TYW5: variants seen among roughly 807,000 people sequenced by gnomAD.
The protein encoded by TYW5 is tRNA-yW synthesizing protein 5.
TYW5 carries 36 observed loss-of-function variants against 44.4 expected under a neutral mutation model. The observed-to-expected ratio is 0.81, with a 90% CI of 0.62 to 1.07. The LOEUF is 1.07. TYW5 is among the 50% of genes least tolerant of loss of function. TYW5 has a pLI of 0.00. For missense variants in TYW5, 354 were observed against 365.7 expected (o/e 0.97, Z 0.26); for synonymous variants, 121 against 128.1 (o/e 0.94, Z 0.37).
At chr2:199,941,056 T>A (rs1470989826) in intron 3 of TYW5, among the ~76,000 whole-genome samples, 1 of 152,184 alleles carries the variant, frequency 6.6e-6, no homozygotes, top group African/African-American at 2.4e-5. Context: ...TATTTAAATT[T>A]TTTAAATTAA....
chr2:199,952,076 G>A (rs979350245), intron 1 of TYW5, among the ~76,000 whole-genome samples: 1 of 151,340 alleles, frequency 6.6e-6, no homozygotes, highest in Non-Finnish European at 1.5e-5. Flanking sequence ...TTCAGATATC[G>A]CCTTTATTCT....
Position 199,933,294 on chromosome 2 carries a change from C to A in TYW5, c.721G>T (p.Glu241Ter), listed in dbSNP as rs369160707. ...AAGATATTCACTCCCACTCCAAACT[C>A]TTCAGAAATTACATTATGGAACCAT... ...ALWFHNVISE[E>*]FGVGVNIFWK... Residue 241 changes from glutamate (E) to a stop codon, truncating the protein, a stop_gained, in exon 8 of 8, where the codon GAG becomes TAG. Transcript: ENST00000354611. LOFTEE classifies it high-confidence loss of function. The A allele has an allele frequency of 6.2e-7, 1 of 1,612,366 alleles. No homozygotes were observed. The highest frequency in any genetic ancestry group is 1.3e-5 in the African/African-American group (1 of 74,774).
rs1278082915 is a variant in TYW5, at chr2:199,928,977, AAG to A, written c.*4088_*4089del. Among the ~76,000 whole-genome samples the A allele has an allele frequency of 6.6e-6, 1 of 152,216 alleles. No homozygotes were observed. Among genetic ancestry groups the A allele is most frequent in the Non-Finnish European group, 1.5e-5 (1 of 68,034 alleles). On this transcript the variant is annotated 3_prime_UTR_variant, in exon 8 of 8. Transcript: ENST00000354611. ...AAAATACAAAAGGTAGTATTCATAA[AAG>A]AGCTATTTTGTTTTATTTCACTTGA... is the stretch of plus-strand genomic sequence containing the variant.
At chr2:199,937,429 G>C (rs772686866) in intron 5 of TYW5, among the ~76,000 whole-genome samples, 13 of 151,860 alleles carry the variant, frequency 8.6e-5, no homozygotes, top group Non-Finnish European at 1.6e-4. Context: ...TTGGGAGGTC[G>C]AGGTGGGCGG....
Position 199,943,768 on chromosome 2 carries a change from T to C in TYW5, c.300A>G (p.Ser100=), listed in dbSNP as rs2077483497. Residue 100 remains serine (S), a synonymous_variant, in exon 3 of 8, where the codon TCA becomes TCG. Coordinates refer to ENST00000354611, the MANE Select transcript of TYW5 (RefSeq NM_001039693.3). ...TAAAAATGTTAAAAGCAATTACCTC[T>C]GAAACAAAGAATTCTTTATGTTTCT... ...AEEKHKEFFV[S]EDEKYYLRSL... 1 of 1,608,588 alleles carries C rather than the reference T, an allele frequency of 6.2e-7. No individual in the cohort carries two copies. Among genetic ancestry groups the C allele is most frequent in the Non-Finnish European group, 8.5e-7 (1 of 1,178,516 alleles).
At chr2:199,955,152 G>C (rs983977576) in intron 1 of TYW5, among the ~76,000 whole-genome samples, 5 of 152,160 alleles carry the variant, frequency 3.3e-5, no homozygotes, top group African/African-American at 9.7e-5. Flanking sequence ...CTCGCACTCA[G>C]CTCTCCGCCA....
intron 1 of TYW5, among the ~76,000 whole-genome samples, chr2:199,954,563 C>T (rs1242119722): frequency 6.6e-6 from 1 of 152,096 alleles, no homozygotes; most frequent in African/African-American, 2.4e-5. Context: ...TCCCGAGTAG[C>T]TGGGATTACA....
chr2:199,933,198 A>G lies in TYW5; in HGVS notation c.817T>C (p.Ser273Pro). Residue 273 changes from serine (S) to proline (P), a missense_variant, in exon 8 of 8, where the codon TCA (serine) becomes CCA (proline). Transcript: ENST00000354611. The stretch of plus-strand genomic sequence containing the variant: ...CTGTCCAGAATTTGTGCAGCTCTTG[A>G]TGCTGCTGTAGGATCTTTGTTTCCA... ...TYGNKDPTAA[S>P]RAAQILDRAL... The G allele has an allele frequency of 1.2e-6, 2 of 1,614,142 alleles. No homozygotes were observed. The highest frequency in any genetic ancestry group is 3.3e-5 in the Admixed American group (2 of 60,014).
intron 3 of TYW5, chr2:199,942,890 T>G (rs1248065982): frequency 6.6e-6 from 1 of 150,694 alleles, no homozygotes; most frequent in African/African-American, 2.4e-5. Flanking sequence ...ACAGTTATGC[T>G]CTTGTTGCCC....
At chr2:199,943,608 A>G (rs2077482086) in intron 3 of TYW5, 157 bp downstream of exon 3, 1 of 585,146 alleles carries the variant, frequency 1.7e-6, no homozygotes, top group South Asian at 2.5e-5. Context: ...GAGAGCTAAT[A>G]AATAGCAGAG....
intron 1 of TYW5, among the ~76,000 whole-genome samples, chr2:199,949,093 C>T (rs2077525042): frequency 6.6e-6 from 1 of 152,026 alleles, no homozygotes; most frequent in Non-Finnish European, 1.5e-5. Flanking sequence ...CACAGTGGCT[C>T]ACGCTTGTAA....
Position 199,955,442 on chromosome 2 carries a change from C to G in TYW5, c.29G>C (p.Arg10Pro). 6.2e-7 allele frequency: 1 copy of G among 1,613,922 alleles called. No homozygotes were observed. Residue 10 changes from arginine to proline, a missense_variant, in exon 1 of 8, where the codon CGG (arginine) becomes CCG (proline). Coordinates refer to ENST00000354611, the MANE Select transcript of TYW5 (RefSeq NM_001039693.3). ...CTGCTCCCGAGAAACGCCCTCCAGC[C>G]GGGGTACCGGGAGGTGCTGCCCGGC... Reference protein sequence around the residue: MAGQHLPVPRLEGVSREQFM... With the variant: MAGQHLPVPPLEGVSREQFM...
At chr2:199,940,974 G>A (rs1559303149) in intron 3 of TYW5, among the ~76,000 whole-genome samples, 1 of 151,548 alleles carries the variant, frequency 6.6e-6, no homozygotes, top group Non-Finnish European at 1.5e-5. Flanking sequence ...AAATGCTTAA[G>A]ATTCAGCTCA....
intron 2 of TYW5, chr2:199,946,800 T>C (rs751889470): frequency 7.2e-5 from 11 of 152,132 alleles, no homozygotes; most frequent in Non-Finnish European, 1.5e-4. Context: ...CTAAAAAAAA[T>C]AATCTTGCAA....
chr2:199,943,349 T>G (rs1256393201), intron 3 of TYW5: 1 of 158,046 alleles, frequency 6.3e-6, no homozygotes, highest in Non-Finnish European at 1.4e-5. Flanking sequence ...AGTCTAATAG[T>G]CAATAGATAT....
intron 1 of TYW5, 97 bp downstream of exon 1, chr2:199,955,296 C>T: frequency 7.1e-7 from 1 of 1,403,208 alleles, no homozygotes; most frequent in Non-Finnish European, 9.7e-7. Context: ...CTCTTTCCCA[C>T]ACCCTGGGTC....
At chr2:199,936,515 G>T in intron 5 of TYW5, 23 bp from the exon 6 acceptor site, 1 of 1,566,336 alleles carries the variant, frequency 6.4e-7, no homozygotes. Flanking sequence ...AAAAGCTTAT[G>T]GGTAATCATT....
intron 2 of TYW5, chr2:199,947,134 CA>C (rs2077509634): frequency 6.6e-6 from 1 of 152,126 alleles, no homozygotes; most frequent in African/African-American, 2.4e-5. Flanking sequence ...GGTGAATATT[CA>C]AAGGATTAAA....
chr2:199,937,983 C>T (rs534409851), intron 5 of TYW5, among the ~76,000 whole-genome samples: 2 of 152,070 alleles, frequency 1.3e-5, no homozygotes, highest in Non-Finnish European at 2.9e-5. Flanking sequence ...ATATACCATA[C>T]TAGTATTTTT....
Sources: allele counts gnomAD v4.1 joint callset (sites outside exome capture counted in the v4.1 genomes callset), GRCh38; gene constraint gnomAD v4.1.1; transcripts MANE v1.5; gene names NCBI Gene and HGNC (gene_info 2026-07-23, HGNC 2026-07-21).